Variants in ABLIM3 observed in about 807,000 individuals in gnomAD.
ABLIM3 encodes the protein actin-binding LIM protein 3.
A neutral mutation model predicts 109.5 loss-of-function variants in ABLIM3; 61 were observed. The observed-to-expected ratio is 0.56, with a 90% CI of 0.45 to 0.69. ABLIM3 has a LOEUF of 0.69. Ranked by LOEUF, ABLIM3 falls within the 30% of genes least tolerant of loss-of-function variation. The pLI is 0.00. For synonymous variants in ABLIM3, 300 were observed against 324.8 expected (o/e 0.92, Z 0.82); for missense variants, 796 against 889.5 (o/e 0.89, Z 1.34).
intron 9 of ABLIM3, among the ~76,000 whole-genome samples, 158 bp downstream of exon 9, chr5:149,230,865 C>T (rs1761787184): frequency 1.3e-5 from 2 of 152,064 alleles, no homozygotes; most frequent in South Asian, 4.2e-4. Flanking sequence ...TAACACCTGC[C>T]CCATGGGGTT....
chr5:149,226,438 C>T (rs1321644785), intron 8 of ABLIM3, among the ~76,000 whole-genome samples: 1 of 152,002 alleles, frequency 6.6e-6, no homozygotes, highest in Non-Finnish European at 1.5e-5. Context: ...GAGCCTAGAT[C>T]ACACCACTCC....
At chr5:149,227,342 T>A (rs550417195) in intron 8 of ABLIM3, among the ~76,000 whole-genome samples, 1 of 152,282 alleles carries the variant, frequency 6.6e-6, no homozygotes, top group South Asian at 2.1e-4. Context: ...ACCTTCATAG[T>A]AGGTTTTAAC....
intron 18 of ABLIM3, among the ~76,000 whole-genome samples, chr5:149,249,112 T>C (rs1753694650): frequency 6.6e-6 from 1 of 152,222 alleles, no homozygotes; most frequent in Non-Finnish European, 1.5e-5. Context: ...TTAAGCCACT[T>C]GCTCCAAGTC....
At position 149,239,786 on chromosome 5, in the gene ABLIM3, C is replaced by A; in HGVS notation, c.1102C>A (p.Gln368Lys). ...QDIYENLDLRQRRASSPGYID... is the reference protein window; with the variant it reads ...QDIYENLDLRKRRASSPGYID... Reference sequence around the variant, plus strand: ...CATCTACGAGAACCTGGACCTCCGGCAGAGACGGGCCTCCAGCCCGGGGTA... The same window carrying A: ...CATCTACGAGAACCTGGACCTCCGGAAGAGACGGGCCTCCAGCCCGGGGTA... Residue 368 changes from glutamine (Q) to lysine (K), a missense_variant, in exon 13 of 24, where the codon CAG becomes AAG. Coordinates refer to ENST00000309868, the MANE Select transcript of ABLIM3 (RefSeq NM_014945.5). The A allele has an allele frequency of 6.2e-7, 1 of 1,608,004 alleles. No homozygotes were observed. The highest frequency in any genetic ancestry group is 8.5e-7 in the Non-Finnish European group (1 of 1,177,202).
At position 149,183,525 on chromosome 5, in the gene ABLIM3, C is replaced by G. The variant is rs756210494; in HGVS notation, c.87C>G (p.Thr29=). 1.2e-6 allele frequency: 2 copies of G among 1,600,238 alleles called. No individual in the cohort carries two copies. Among genetic ancestry groups the G allele is most frequent in the Non-Finnish European group, 1.7e-6 (2 of 1,173,806 alleles). Residue 29 remains threonine, a synonymous_variant, in exon 3 of 24, where the codon ACC becomes ACG. Coordinates refer to ENST00000309868, the MANE Select transcript of ABLIM3 (RefSeq NM_014945.5). ...NVIQCYRCGD[T]CKGEVVRVHN... ...TCCAGTGCTACCGCTGTGGAGACAC[C>G]TGCAAAGGGGAAGTGGTCCGCGTGC...
intron 8 of ABLIM3, among the ~76,000 whole-genome samples, chr5:149,226,142 CTGCTGTCAT>C (rs1761249961): frequency 6.6e-6 from 1 of 150,904 alleles, no homozygotes; most frequent in Non-Finnish European, 1.5e-5. Flanking sequence ...AAAGATAGTG[CTGCTGTCAT>C]AAAGGCAGAG....
chr5:149,224,069 G>T (rs1396918274), intron 8 of ABLIM3, among the ~76,000 whole-genome samples: 1 of 152,046 alleles, frequency 6.6e-6, no homozygotes, highest in Non-Finnish European at 1.5e-5. Flanking sequence ...TTAGCATAAG[G>T]TGCAGCATAT....
At chr5:149,148,278 A>T (rs148137433) in intron 2 of ABLIM3, among the ~76,000 whole-genome samples, 1 of 152,136 alleles carries the variant, frequency 6.6e-6, no homozygotes, top group Admixed American at 6.5e-5. Flanking sequence ...GGTGGTGGGC[A>T]GACCTAGGTA....
intron 20 of ABLIM3, 69 bp from the exon 21 acceptor site, chr5:149,251,290 T>G: frequency 1.3e-6 from 2 of 1,577,272 alleles, no homozygotes; most frequent in Non-Finnish European, 1.7e-6. Context: ...TTTCTGGAGG[T>G]GGGTGAGTGC....
At chr5:149,240,894 T>C (rs1752755106) in intron 14 of ABLIM3, 120 bp downstream of exon 14, 1 of 870,820 alleles carries the variant, frequency 1.1e-6, no homozygotes, top group African/African-American at 1.7e-5. Context: ...GGGACCTCCC[T>C]AACCAAGCAC....
At chr5:149,199,699 A>G (rs1434975100) in intron 4 of ABLIM3, among the ~76,000 whole-genome samples, 1 of 152,240 alleles carries the variant, frequency 6.6e-6, no homozygotes, top group Non-Finnish European at 1.5e-5. Context: ...GAGAGTCCTC[A>G]TAACAGGCAT....
chr5:149,200,546 T>C (rs1045596892), intron 5 of ABLIM3, 118 bp downstream of exon 5: 2 of 963,624 alleles, frequency 2.1e-6, no homozygotes, highest in African/African-American at 3.3e-5. Flanking sequence ...GTTCCCAACC[T>C]GGAGGCCTCC....
intron 2 of ABLIM3, among the ~76,000 whole-genome samples, chr5:149,150,226 T>C (rs1381495786): frequency 6.6e-6 from 1 of 152,142 alleles, no homozygotes; most frequent in Non-Finnish European, 1.5e-5. Context: ...ACACGGGGCA[T>C]GATGACCTTC....
chr5:149,224,423 T>A (rs1760968356), intron 8 of ABLIM3, among the ~76,000 whole-genome samples: 1 of 152,198 alleles, frequency 6.6e-6, no homozygotes, highest in African/African-American at 2.4e-5. Flanking sequence ...GCCCACTTCA[T>A]CATGTCAGCT....
intron 5 of ABLIM3, among the ~76,000 whole-genome samples, chr5:149,206,509 C>T (rs1251851265): frequency 6.6e-6 from 1 of 152,180 alleles, no homozygotes; most frequent in African/African-American, 2.4e-5. Context: ...CAGCCCTTGC[C>T]AATGTGTATA....
intron 8 of ABLIM3, among the ~76,000 whole-genome samples, chr5:149,224,738 A>G (rs184160151): frequency 1.4e-4 from 22 of 152,324 alleles, no homozygotes; most frequent in Admixed American, 7.8e-4. Flanking sequence ...AGTCCCTGAC[A>G]TAGGCGGACA....
intron 8 of ABLIM3, chr5:149,218,351 C>T (rs1421143553): frequency 6.6e-6 from 1 of 152,246 alleles, no homozygotes; most frequent in Non-Finnish European, 1.5e-5. Flanking sequence ...GGTCCATGAC[C>T]TAATCACCTC....
At chr5:149,182,683 G>A (rs1216352117) in intron 2 of ABLIM3, among the ~76,000 whole-genome samples, 7 of 152,180 alleles carry the variant, frequency 4.6e-5, no homozygotes, top group African/African-American at 1.7e-4. Context: ...GATGGTCTTA[G>A]CAAGAGAATA....
chr5:149,249,296 C>T (rs1753713159), intron 18 of ABLIM3, among the ~76,000 whole-genome samples: 1 of 152,232 alleles, frequency 6.6e-6, no homozygotes, highest in South Asian at 2.1e-4. Flanking sequence ...GCGTCAGGCA[C>T]TATGCTAAGT....
Sources: allele counts gnomAD v4.1 joint callset (sites outside exome capture counted in the v4.1 genomes callset), GRCh38; gene constraint gnomAD v4.1.1; transcripts MANE v1.5; gene names NCBI Gene and HGNC (gene_info 2026-07-23, HGNC 2026-07-21).